Variants in EIF3D observed in about 807,000 individuals in gnomAD.
EIF3D encodes the protein eukaryotic translation initiation factor 3 subunit D.
A neutral mutation model predicts 75.4 loss-of-function variants in EIF3D; 10 were observed. The ratio of observed to expected loss-of-function variants is 0.13; its 90% CI spans 0.08 to 0.22. EIF3D has a LOEUF of 0.22. Ranked by LOEUF, EIF3D falls within the 10% of genes least tolerant of loss-of-function variation. The pLI is 1.00. For synonymous variants in EIF3D, 246 were observed against 248.3 expected (o/e 0.99, Z 0.09); for missense variants, 394 against 708.0 (o/e 0.56, Z 5.03).
chr22:36,525,982 T>A lies in EIF3D; in HGVS notation c.123+17A>T, dbSNP rs756847967. 32 of 1,594,092 alleles carry A rather than the reference T, an allele frequency of 2.0e-5. No homozygotes were observed. Among genetic ancestry groups the A allele is most frequent in the Non-Finnish European group, 1.2e-5 (14 of 1,170,330 alleles). On this transcript the variant is annotated intron_variant, in intron 2 of 14. Transcript: ENST00000216190. ...CCACAGCTGCAAAGATTCAGACTCCTGCTGACAGGCATGTACCTTTCCTAG... is the reference window on the plus strand; with the variant it reads ...CCACAGCTGCAAAGATTCAGACTCCAGCTGACAGGCATGTACCTTTCCTAG...
chr22:36,526,495 TTGATA>T (rs1212448538), intron 1 of EIF3D, among the ~76,000 whole-genome samples: 9 of 152,240 alleles, frequency 5.9e-5, no homozygotes, highest in Admixed American at 1.3e-4. Context: ...GGTGTCAGAT[TTGATA>T]AAATGTCCTA....
rs371499563 is a variant in EIF3D, at chr22:36,516,546, C to T, written c.1138G>A (p.Val380Ile). The T allele has an allele frequency of 2.5e-5, 40 of 1,614,008 alleles. No homozygotes were observed. Among genetic ancestry groups the T allele is most frequent in the Non-Finnish European group, 3.1e-5 (36 of 1,180,038 alleles). The change falls in exon 12 of 15, where the codon GTC becomes ATC. Residue 380 changes from valine to isoleucine, a missense_variant. Val to Ile is a conservative substitution (Grantham distance 29). Coordinates refer to ENST00000216190, the MANE Select transcript of EIF3D (RefSeq NM_003753.4). ...DLIVRCEHDG[V>I]MTGANGEVSF... ...ACTTCCCCGTTGGCTCCAGTCATGA[C>T]GCCATCGTGCTCACAACGGACAATA...
At chr22:36,525,861 C>T (rs1934590058) in intron 2 of EIF3D, 138 bp downstream of exon 2, 1 of 1,462,180 alleles carries the variant, frequency 6.8e-7, no homozygotes, top group East Asian at 2.3e-5. Context: ...TATGACTACA[C>T]CCAGAGATAA....
chr22:36,520,787 G>A (rs1569000355), intron 6 of EIF3D, 99 bp from the exon 7 acceptor site: 2 of 749,500 alleles, frequency 2.7e-6, no homozygotes, highest in East Asian at 2.9e-5. Flanking sequence ...TGGTGCAGTG[G>A]CTCATGCCTG....
intron 12 of EIF3D, among the ~76,000 whole-genome samples, chr22:36,513,555 G>A (rs553176760): frequency 3.3e-5 from 5 of 152,078 alleles, no homozygotes; most frequent in Non-Finnish European, 4.4e-5. Context: ...CACTCGCCCC[G>A]GCCTCCCAAA....
At chr22:36,523,386 A>G in intron 5 of EIF3D, 105 bp from the exon 6 acceptor site, 1 of 838,820 alleles carries the variant, frequency 1.2e-6, no homozygotes, top group East Asian at 2.4e-5. Flanking sequence ...ATCACCACTA[A>G]CTCCTTTAAA....
At chr22:36,526,617 T>C (rs74909218) in intron 1 of EIF3D, among the ~76,000 whole-genome samples, 4 of 146,600 alleles carry the variant, frequency 2.7e-5, no homozygotes, top group Admixed American at 6.6e-5. Context: ...TTCTTTCTTT[T>C]TTTTTTTTGA....
intron 10 of EIF3D, 80 bp from the exon 11 acceptor site, chr22:36,516,870 G>T: frequency 7.5e-7 from 1 of 1,331,174 alleles, no homozygotes; most frequent in Non-Finnish European, 1.1e-6. Flanking sequence ...CAGCACCTCT[G>T]CTTAGTTGCA....
intron 5 of EIF3D, among the ~76,000 whole-genome samples, chr22:36,523,548 C>T (rs527750085): frequency 2.0e-5 from 3 of 152,082 alleles, no homozygotes; most frequent in African/African-American, 4.8e-5. Context: ...GTGTAGTGGC[C>T]GCTGGACCAC....
In EIF3D at chr22:36,518,806, A is replaced by G; in HGVS notation, c.816T>C (p.Val272=). Residue 272 remains valine (V), a synonymous_variant, in exon 9 of 15, where the codon GTT becomes GTC. Coordinates refer to ENST00000216190, the MANE Select transcript of EIF3D (RefSeq NM_003753.4). ...VYSWDIVVQR[V]GSKLFFDKRD... ...TCTTGTCAAAGAAGAGTTTGGACCC[A>G]ACTCTCTGGACGACAATATCCCAGG... The G allele has an allele frequency of 6.2e-7, 1 of 1,614,218 alleles. No homozygotes were observed. The highest frequency in any genetic ancestry group is 8.5e-7 in the Non-Finnish European group (1 of 1,180,042).
Position 36,516,738 on chromosome 22 carries a change from A to G in EIF3D, c.1043T>C (p.Met348Thr). 6.2e-7 allele frequency: 1 copy of G among 1,614,200 alleles called. No homozygotes were observed. Among genetic ancestry groups the G allele is most frequent in the Non-Finnish European group, 8.5e-7 (1 of 1,180,032 alleles). Residue 348 changes from methionine (M) to threonine (T), a missense_variant, in exon 11 of 15, where the codon ATG (methionine) becomes ACG (threonine). By Grantham distance (81) the Met-to-Thr change is moderately conservative. Transcript: ENST00000216190. ...AACAGAGGCGATTTCATTCTTATCC[A>G]TGTCGTCCTCCACAAACGGGTTTGG... The part of the protein sequence containing the change: ...PNPNPFVEDD[M>T]DKNEIASVAY...
chr22:36,525,781 G>A, intron 2 of EIF3D, 72 bp from the exon 3 acceptor site: 10 of 1,573,896 alleles, frequency 6.4e-6, no homozygotes, highest in Non-Finnish European at 7.8e-6. Context: ...AGAAATCCCT[G>A]AGCGCGAGAG....
At chr22:36,522,834 C>T (rs1934535359) in intron 6 of EIF3D, among the ~76,000 whole-genome samples, 1 of 152,150 alleles carries the variant, frequency 6.6e-6, no homozygotes, top group Non-Finnish European at 1.5e-5. Context: ...TTCTCTGTTG[C>T]ACCCTGCTCC....
At chr22:36,516,655 G>A in intron 11 of EIF3D, 48 bp from the exon 12 acceptor site, 2 of 1,614,040 alleles carry the variant, frequency 1.2e-6, no homozygotes, top group Non-Finnish European at 1.7e-6. Context: ...TCTATAGAGT[G>A]GGGCCCGTGC....
chr22:36,521,481 T>C (rs1180408782), intron 6 of EIF3D, among the ~76,000 whole-genome samples: 3 of 152,180 alleles, frequency 2.0e-5, no homozygotes, highest in African/African-American at 7.2e-5. Flanking sequence ...GTTCTCAGAA[T>C]GCCCACACAA....
chr22:36,511,921 G>A, intron 13 of EIF3D, 135 bp from the exon 14 acceptor site: 2 of 1,388,412 alleles, frequency 1.4e-6, no homozygotes, highest in Non-Finnish European at 1.9e-6. Context: ...GACGGAGTCT[G>A]GCTCTGTTGC....
intron 1 of EIF3D, 119 bp from the exon 2 acceptor site, chr22:36,526,250 G>A (rs1243172491): frequency 1.3e-5 from 14 of 1,111,918 alleles, no homozygotes; most frequent in Admixed American, 3.4e-5. Flanking sequence ...CACGCAAAAT[G>A]GAACCCTCAA....
At chr22:36,527,549 A>G (rs1019425728) in intron 1 of EIF3D, among the ~76,000 whole-genome samples, 1 of 152,202 alleles carries the variant, frequency 6.6e-6, no homozygotes, top group East Asian at 1.9e-4. Context: ...CTACACAAGT[A>G]TTTCTTGGAG....
chr22:36,524,449 C>T (rs892078207), intron 4 of EIF3D, 147 bp downstream of exon 4: 4 of 1,171,438 alleles, frequency 3.4e-6, no homozygotes, highest in Admixed American at 2.4e-5. Flanking sequence ...CTTGGTACCA[C>T]TTGTTATGGA....
Sources: gnomAD v4.1 joint callset for allele counts (sites outside exome capture counted in the v4.1 genomes callset) on GRCh38, gnomAD v4.1.1 for gene constraint, MANE v1.5 for transcripts, NCBI Gene and HGNC (gene_info 2026-07-23, HGNC 2026-07-21) for gene names.